SPECC1: variants seen among roughly 807,000 people sequenced by gnomAD.
SPECC1 encodes cytospin-B.
A neutral mutation model predicts 104.1 loss-of-function variants in SPECC1; 62 were observed. That is an observed-to-expected ratio of 0.60 (90% CI 0.49 to 0.74). SPECC1 has a LOEUF of 0.74. SPECC1 is among the 30% of genes least tolerant of loss of function. The pLI is 0.00. For missense variants in SPECC1, 1,306 were observed against 1,310.5 expected (o/e 1.00, Z 0.05); for synonymous variants, 513 against 501.6 (o/e 1.02, Z -0.30).
intron 1 of SPECC1, among the ~76,000 whole-genome samples, chr17:20,019,880 TTTTCC>T (rs1480522297): frequency 3.3e-5 from 5 of 151,926 alleles, no homozygotes; most frequent in Non-Finnish European, 7.4e-5. Flanking sequence ...CACTGGCTTC[TTTTCC>T]GTGGTTTTAT....
intron 4 of SPECC1, among the ~76,000 whole-genome samples, chr17:20,213,215 A>G (rs1416369161): frequency 6.6e-6 from 1 of 151,942 alleles, no homozygotes; most frequent in African/African-American, 2.4e-5. Flanking sequence ...CTCCCACCTC[A>G]GCTTCCCAAG....
At chr17:20,271,225 T>G (rs1219997013) in intron 12 of SPECC1, among the ~76,000 whole-genome samples, 1 of 152,168 alleles carries the variant, frequency 6.6e-6, no homozygotes, top group Non-Finnish European at 1.5e-5. Context: ...ATTTTTTTTT[T>G]GTCATTTACC....
At chr17:20,037,978 T>C (rs947641078) in intron 1 of SPECC1, among the ~76,000 whole-genome samples, 1 of 152,164 alleles carries the variant, frequency 6.6e-6, no homozygotes, top group Non-Finnish European at 1.5e-5. Context: ...TATTTCATAT[T>C]GGGTGAGTTG....
intron 2 of SPECC1, among the ~76,000 whole-genome samples, chr17:20,101,853 C>T (rs1384201609): frequency 6.6e-6 from 1 of 152,206 alleles, no homozygotes; most frequent in Non-Finnish European, 1.5e-5. Flanking sequence ...ACATGTTATC[C>T]ACCAGTAACG....
intron 1 of SPECC1, among the ~76,000 whole-genome samples, chr17:20,093,720 G>GATTTTGT (rs1567837101): frequency 9.8e-6 from 1 of 102,260 alleles, no homozygotes. Flanking sequence ...TTTTGTTTTT[G>GATTTTGT]TTTTTGTTTT....
At chr17:20,137,690 G>A (rs1253864994) in intron 3 of SPECC1, among the ~76,000 whole-genome samples, 1 of 151,972 alleles carries the variant, frequency 6.6e-6, no homozygotes, top group African/African-American at 2.4e-5. Flanking sequence ...TTTTGAGACA[G>A]AGTCTAACTC....
intron 3 of SPECC1, among the ~76,000 whole-genome samples, chr17:20,202,853 C>A (rs1218485700): frequency 2.0e-5 from 3 of 152,142 alleles, no homozygotes; most frequent in African/African-American, 7.2e-5. Context: ...ATACTCTTGG[C>A]TTTCCAGAAA....
intron 1 of SPECC1, among the ~76,000 whole-genome samples, chr17:20,059,653 T>C (rs2046108970): frequency 6.6e-6 from 1 of 152,190 alleles, no homozygotes; most frequent in South Asian, 2.1e-4. Flanking sequence ...ACCTTGGTCG[T>C]TGTATATGAA....
At chr17:20,195,266 T>A (rs984861716) in intron 3 of SPECC1, among the ~76,000 whole-genome samples, 2 of 152,196 alleles carry the variant, frequency 1.3e-5, no homozygotes, top group Admixed American at 6.5e-5. Context: ...CATCTCTGGA[T>A]GATAAAAAGC....
At chr17:20,247,990 C>T (rs998278612) in intron 9 of SPECC1, among the ~76,000 whole-genome samples, 1 of 152,140 alleles carries the variant, frequency 6.6e-6, no homozygotes, top group Non-Finnish European at 1.5e-5. Flanking sequence ...CTGCCAGAAT[C>T]GGGAAGTCTT....
chr17:20,294,550 G>A (rs1008290666), intron 12 of SPECC1, among the ~76,000 whole-genome samples: 1 of 152,134 alleles, frequency 6.6e-6, no homozygotes, highest in African/African-American at 2.4e-5. Context: ...GTTGCGAATT[G>A]GGGTTATACA....
intron 3 of SPECC1, among the ~76,000 whole-genome samples, chr17:20,203,279 T>C (rs1454786560): frequency 7.2e-6 from 1 of 138,484 alleles, no homozygotes; most frequent in Non-Finnish European, 1.6e-5. Flanking sequence ...TTTCAGTTTG[T>C]AAAAAAAAAA....
At chr17:20,290,673 C>T (rs1257363105) in intron 12 of SPECC1, among the ~76,000 whole-genome samples, 1 of 152,122 alleles carries the variant, frequency 6.6e-6, no homozygotes, top group Non-Finnish European at 1.5e-5. Flanking sequence ...CACCACCATG[C>T]CTGGCTAATT....
chr17:20,064,271 C>T (rs1379984663), intron 1 of SPECC1, among the ~76,000 whole-genome samples: 4 of 152,148 alleles, frequency 2.6e-5, no homozygotes, highest in Non-Finnish European at 4.4e-5. Flanking sequence ...ACCCTGATGG[C>T]AGGAGAGTCA....
At chr17:20,105,805 C>G (rs1017245909) in intron 2 of SPECC1, among the ~76,000 whole-genome samples, 1 of 152,174 alleles carries the variant, frequency 6.6e-6, no homozygotes, top group South Asian at 2.1e-4. Context: ...ACCTTGAGTC[C>G]CAGGAACCAA....
chr17:20,075,132 A>G (rs1304008355), intron 1 of SPECC1, among the ~76,000 whole-genome samples: 1 of 152,144 alleles, frequency 6.6e-6, no homozygotes, highest in South Asian at 2.1e-4. Flanking sequence ...CAAACTCCTG[A>G]CCTTAGGCGA....
intron 7 of SPECC1, among the ~76,000 whole-genome samples, chr17:20,235,648 C>T (rs891568750): frequency 6.6e-6 from 1 of 152,166 alleles, no homozygotes; most frequent in African/African-American, 2.4e-5. Flanking sequence ...GGCATTTGTT[C>T]CTCTTGTTCT....
intron 1 of SPECC1, among the ~76,000 whole-genome samples, chr17:20,065,325 G>A (rs78286454): frequency 0.015 from 2,227 of 152,294 alleles, 23 homozygotes; most frequent in Non-Finnish European, 0.023. Context: ...TCCTTCTCCA[G>A]TCACCAGTCT....
chr17:20,096,390 A>T (rs2047643553), intron 1 of SPECC1, among the ~76,000 whole-genome samples: 3 of 152,206 alleles, frequency 2.0e-5, no homozygotes, highest in Non-Finnish European at 4.4e-5. Context: ...AAGTGATGTC[A>T]GGACATCAGT....
Sources: allele counts gnomAD v4.1 joint callset (sites outside exome capture counted in the v4.1 genomes callset), GRCh38; gene constraint gnomAD v4.1.1; transcripts MANE v1.5; gene names NCBI Gene and HGNC (gene_info 2026-07-23, HGNC 2026-07-21).